The following CYP4X1 variants were observed in gnomAD, a reference collection of about 807,000 sequenced individuals.
CYP4X1 encodes the protein cytochrome P450 4X1.
Under a neutral mutation model 57.9 loss-of-function variants are expected in CYP4X1, and 44 were observed. That is an observed-to-expected ratio of 0.76 (90% CI 0.60 to 0.98). The LOEUF (loss-of-function observed/expected upper bound fraction) is 0.98, where lower values mean the gene tolerates loss of function less well. Ranked by LOEUF, CYP4X1 falls within the 50% of genes least tolerant of loss-of-function variation. The pLI is 0.00. For missense variants in CYP4X1, 532 were observed against 623.9 expected (o/e 0.85, Z 1.57); for synonymous variants, 227 against 228.6 (o/e 0.99, Z 0.06).
At chr1:47,032,701 C>T (rs1644137242) in intron 3 of CYP4X1, among the ~76,000 whole-genome samples, 1 of 152,122 alleles carries the variant, frequency 6.6e-6, no homozygotes, top group South Asian at 2.1e-4. Context: ...TATCAGGGGA[C>T]AGAGTGGACA....
At chr1:47,047,070 G>A (rs1644310703) in intron 9 of CYP4X1, among the ~76,000 whole-genome samples, 1 of 152,034 alleles carries the variant, frequency 6.6e-6, no homozygotes, top group Non-Finnish European at 1.5e-5. Context: ...TTTTCCCCTT[G>A]GAATCCAATG....
the CYP4X1 span, among the ~76,000 whole-genome samples, chr1:47,016,024 T>C: frequency 1.3e-5 from 2 of 152,302 alleles, no homozygotes; most frequent in East Asian, 1.9e-4. Context: ...CTTATTCTCT[T>C]AATAGAAAAA....
the CYP4X1 span, among the ~76,000 whole-genome samples, chr1:47,010,989 A>T: frequency 6.6e-6 from 1 of 152,186 alleles, no homozygotes; most frequent in African/African-American, 2.4e-5. Flanking sequence ...TGCCCATGGT[A>T]ATTTATAGAT....
chr1:46,987,026 A>C, the CYP4X1 span, among the ~76,000 whole-genome samples: 1 of 152,232 alleles, frequency 6.6e-6, no homozygotes, highest in Non-Finnish European at 1.5e-5. Flanking sequence ...TCACACTAAC[A>C]ATATTAATCT....
intron 4 of CYP4X1, among the ~76,000 whole-genome samples, chr1:47,034,037 C>T (rs563793125): frequency 4.6e-5 from 7 of 152,256 alleles, no homozygotes; most frequent in South Asian, 4.2e-4. Context: ...TATGGAGTTG[C>T]GTTAACTTCA....
At chr1:47,011,559 T>G in the CYP4X1 span, among the ~76,000 whole-genome samples, 13 of 152,062 alleles carry the variant, frequency 8.5e-5, no homozygotes, top group East Asian at 1.9e-4. Context: ...TTGACAAATG[T>G]GATCTAATTA....
chr1:47,007,142 C>G, the CYP4X1 span, among the ~76,000 whole-genome samples: 1 of 152,232 alleles, frequency 6.6e-6, no homozygotes, highest in Non-Finnish European at 1.5e-5. Context: ...AGGTGGGTCC[C>G]TAAACCCCGA....
intron 1 of CYP4X1, among the ~76,000 whole-genome samples, chr1:47,028,454 T>C (rs1282946987): frequency 1.3e-5 from 2 of 152,244 alleles, no homozygotes; most frequent in African/African-American, 4.8e-5. Context: ...ACCTAGTTCA[T>C]AGCAGTGCTT....
intron 1 of CYP4X1, 135 bp downstream of exon 1, chr1:47,024,129 G>A: frequency 1.9e-6 from 2 of 1,061,786 alleles, no homozygotes; most frequent in Non-Finnish European, 2.7e-6. Context: ...TTTCCAGCCC[G>A]GCCTGTGGCT....
At chr1:46,988,113 G>T in the CYP4X1 span, among the ~76,000 whole-genome samples, 1 of 151,934 alleles carries the variant, frequency 6.6e-6, no homozygotes, top group Non-Finnish European at 1.5e-5. Flanking sequence ...TTTTTGAAAA[G>T]ATCAACAAAA....
chr1:46,964,373 A>G, the CYP4X1 span, among the ~76,000 whole-genome samples: 1 of 152,100 alleles, frequency 6.6e-6, no homozygotes, highest in Non-Finnish European at 1.5e-5. Context: ...TTGTGGTTTT[A>G]TCTACCTTTG....
At chr1:46,974,641 T>C in the CYP4X1 span, among the ~76,000 whole-genome samples, 4 of 152,208 alleles carry the variant, frequency 2.6e-5, no homozygotes, top group Non-Finnish European at 4.4e-5. Context: ...ATATTGAGGA[T>C]AGTTAAATCT....
the CYP4X1 span, among the ~76,000 whole-genome samples, chr1:46,980,079 C>A: frequency 6.6e-6 from 1 of 152,134 alleles, no homozygotes; most frequent in African/African-American, 2.4e-5. Flanking sequence ...GACAGGGGTG[C>A]CCTCTCTCAC....
At chr1:47,017,630 C>T in the CYP4X1 span, among the ~76,000 whole-genome samples, 41 of 152,236 alleles carry the variant, frequency 2.7e-4, no homozygotes, top group African/African-American at 9.6e-4. Flanking sequence ...AACCTGCCTC[C>T]CATTCTATTC....
chr1:46,990,316 C>A, the CYP4X1 span, among the ~76,000 whole-genome samples: 7 of 152,094 alleles, frequency 4.6e-5, no homozygotes, highest in Admixed American at 1.3e-4. Context: ...TCATCAGTGG[C>A]CCTTAGAGAA....
chr1:47,009,995 G>A, the CYP4X1 span, among the ~76,000 whole-genome samples: 2 of 152,134 alleles, frequency 1.3e-5, no homozygotes, highest in African/African-American at 4.8e-5. Context: ...AGGAGGAGCT[G>A]GTACCATTCC....
At chr1:46,988,825 G>T in the CYP4X1 span, among the ~76,000 whole-genome samples, 3 of 151,984 alleles carry the variant, frequency 2.0e-5, no homozygotes, top group Non-Finnish European at 2.9e-5. Flanking sequence ...AACAGATGCA[G>T]AAAAAGGCCT....
upstream of CYP4X1, among the ~76,000 whole-genome samples, chr1:47,022,505 G>T (rs1644009360): frequency 6.6e-6 from 1 of 151,892 alleles, no homozygotes; most frequent in Admixed American, 6.6e-5. Flanking sequence ...TGGCCAGGAT[G>T]GTCTTGATCC....
At chr1:46,977,352 G>A in the CYP4X1 span, among the ~76,000 whole-genome samples, 4 of 152,170 alleles carry the variant, frequency 2.6e-5, no homozygotes, top group South Asian at 2.1e-4. Context: ...TAGACAATTC[G>A]ATCAAGTGGA....
Sources: allele counts gnomAD v4.1 joint callset (sites outside exome capture counted in the v4.1 genomes callset), GRCh38; gene constraint gnomAD v4.1.1; transcripts MANE v1.5; gene names NCBI Gene and HGNC (gene_info 2026-07-23, HGNC 2026-07-21).